Variants in MCM3AP observed in about 807,000 individuals in gnomAD.
MCM3AP encodes minichromosome maintenance complex component 3 associated protein.
Under a neutral mutation model 184.1 loss-of-function variants are expected in MCM3AP, and 126 were observed. The observed-to-expected ratio is 0.68, with a 90% CI of 0.59 to 0.79. MCM3AP has a LOEUF of 0.79. Among genes scored for constraint, MCM3AP ranks in the 30% least tolerant of loss-of-function variants. The probability of loss-of-function intolerance (pLI) is 0.00; values close to 1 mark genes in which losing one functional copy is unlikely to be tolerated. For synonymous variants in MCM3AP, 1,002 were observed against 979.3 expected (o/e 1.02, Z -0.43); for missense variants, 2,496 against 2,479.2 (o/e 1.01, Z -0.14).
Position 46,270,449 on chromosome 21 carries a change from C to T in MCM3AP, c.2580G>A (p.Gln860=), listed in dbSNP as rs199778611. ...GACAAGCGTTCAGGTAAGAAGCTGA[C>T]TGGACCAGTTTGAAAAATCTCACAA... The part of the protein sequence containing the change: ...NNFVRFFKLV[Q]SASYLNACLL... Residue 860 remains glutamine (Q), a synonymous_variant, in exon 9 of 28, where the codon CAG becomes CAA. Coordinates refer to ENST00000291688, the MANE Select transcript of MCM3AP (RefSeq NM_003906.5). The T allele has an allele frequency of 7.4e-6, 12 of 1,614,004 alleles. No homozygotes were observed. The highest frequency in any genetic ancestry group is 1.0e-5 in the Non-Finnish European group (12 of 1,179,954).
At position 46,275,308 on chromosome 21, in the gene MCM3AP, C is replaced by CG; in HGVS notation, c.1875dup (p.Asp626ArgfsTer18). 6.2e-7 allele frequency: 1 copy of CG among 1,613,212 alleles called. No individual in the cohort carries two copies. The highest frequency in any genetic ancestry group is 8.5e-7 in the Non-Finnish European group (1 of 1,179,708). ...ACAAAAGTCCTCGCTTTGTCCAGAT[C>CG]GGTTCTCTTCACCCGAGCTAAATGA... On this transcript the variant is annotated frameshift_variant, in exon 6 of 28. Coordinates refer to ENST00000291688, the MANE Select transcript of MCM3AP (RefSeq NM_003906.5). LOFTEE classifies it high-confidence loss of function.
rs758477714 is a variant in MCM3AP at position 46,284,543 on chromosome 21, G to A, written c.744C>T (p.Ser248=). Residue 248 remains serine (S), a synonymous_variant, in exon 1 of 28, where the codon AGC becomes AGT. Transcript: ENST00000291688. Reference sequence around the variant, plus strand: ...CAGATGATACAGGGAAGCTACTGAAGCTATTATTAGAACTTCCAAATATTG... The same window carrying A: ...CAGATGATACAGGGAAGCTACTGAAACTATTATTAGAACTTCCAAATATTG... ...PKSIFGSSNN[S]FSSFPVSSAV... The A allele has an allele frequency of 1.9e-6, 3 of 1,614,212 alleles. No homozygotes were observed. Among genetic ancestry groups the A allele is most frequent in the Non-Finnish European group, 1.7e-6 (2 of 1,180,036 alleles).
chr21:46,275,037 A>G lies in MCM3AP; in HGVS notation c.1998+149T>C, dbSNP rs1021191062. On this transcript the variant is annotated intron_variant, in intron 6 of 27. Transcript: ENST00000291688. ...TATAGGTACCAATTACAGAGTGAAC[A>G]TCTCACAATGCAAAACAGCTTAATA... The G allele has an allele frequency of 1.2e-5, 9 of 748,614 alleles. 1 individual carries two copies. The Middle Eastern group carries it at 1.2e-3, about 100-fold the overall frequency. The allele number at this position is 748,614 out of a possible 1,614,324, so 46.4% of individuals were successfully genotyped here.
chr21:46,237,171 G>C (rs8127105), intron 26 of MCM3AP, among the ~76,000 whole-genome samples, 192 bp from the exon 27 acceptor site: 2 of 144,962 alleles, frequency 1.4e-5, no homozygotes, highest in Non-Finnish European at 3.0e-5. Context: ...GCATAATCTC[G>C]GGTCAGTGCA....
At position 46,263,056 on chromosome 21, in the gene MCM3AP, G is replaced by A. The variant is rs539481010; in HGVS notation, c.3335+1061C>T. 5.3e-5 allele frequency among the ~76,000 whole-genome samples: 8 copies of A among 151,258 alleles called. No homozygotes were observed. In the South Asian group the frequency reaches 1.0e-3, roughly 20 times the overall value. On this transcript the variant is annotated intron_variant, in intron 13 of 27. Coordinates refer to ENST00000291688, the MANE Select transcript of MCM3AP (RefSeq NM_003906.5). Reference sequence around the variant, plus strand: ...ATAAAAATCCTCAACAAGGCCAGGTGCGGTGGCTCACACCTGTAATCCCAG... The same window carrying A: ...ATAAAAATCCTCAACAAGGCCAGGTACGGTGGCTCACACCTGTAATCCCAG...
At chr21:46,254,337 C>G in intron 19 of MCM3AP, 55 bp downstream of exon 19, 1 of 1,609,642 alleles carries the variant, frequency 6.2e-7, no homozygotes, top group Non-Finnish European at 8.5e-7. Context: ...GGCCCACAAC[C>G]CTGCCCTGCC....
At chr21:46,241,796 C>T (rs2080671094) in intron 25 of MCM3AP, 1 of 152,154 alleles carries the variant, frequency 6.6e-6, no homozygotes. Flanking sequence ...ACATACAGGC[C>T]CTGAGAACTC....
At position 46,265,397 on chromosome 21, in the gene MCM3AP, A is replaced by G. The variant is rs770899269; in HGVS notation, c.3158T>C (p.Val1053Ala). The G allele has an allele frequency of 2.0e-5, 32 of 1,614,082 alleles. 2 individuals are homozygous for G. The South Asian group carries it at 3.4e-4, about 17-fold the overall frequency. ...LPPVLALTPS[V>A]APSLFQLSVQ... is the part of the protein sequence containing the mutation. ...AGACAGCTGGAAGAGGCTGGGCGCC[A>G]CAGACGGGGTCAGTGCCAGGACAGG... Residue 1053 changes from valine to alanine, a missense_variant, in exon 12 of 28, where the codon GTG (valine) becomes GCG (alanine). Val to Ala is a moderately conservative substitution (Grantham distance 64, BLOSUM62 0). Transcript: ENST00000291688.
chr21:46,247,193 GTCC>G, intron 20 of MCM3AP: 1 of 289,162 alleles, frequency 3.5e-6, no homozygotes, highest in Non-Finnish European at 6.6e-6. Flanking sequence ...GGCTCGAGCA[GTCC>G]TCCTGGTTCA....
intron 12 of MCM3AP, among the ~76,000 whole-genome samples, chr21:46,264,713 C>T (rs1023598013): frequency 6.6e-6 from 1 of 152,170 alleles, no homozygotes; most frequent in African/African-American, 2.4e-5. Context: ...CAGGCCATGC[C>T]CATCAGGGTG....
intron 27 of MCM3AP, chr21:46,236,425 A>T (rs1201130959): frequency 6.5e-6 from 1 of 154,430 alleles, no homozygotes; most frequent in Non-Finnish European, 1.4e-5. Flanking sequence ...GAGGCTCTTG[A>T]CTTCTGGGAG....
chr21:46,235,294 CAG>C lies in MCM3AP; in HGVS notation c.5915_5916del (p.Ser1972CysfsTer36). 1.2e-6 allele frequency: 2 copies of C among 1,614,186 alleles called. No individual in the cohort carries two copies. Among genetic ancestry groups the C allele is most frequent in the Non-Finnish European group, 1.7e-6 (2 of 1,180,020 alleles). ...CAAATGTCCACCATGTCTAGCAGCG[CAG>C]AGAGATGGAGCTCAGAGGCAACTTC... ...EEEVASELHLSALLDMVDI is the reference protein window; with the variant it reads ...EEEVASELHLXALLDMVDI On this transcript the variant is annotated frameshift_variant, in exon 28 of 28. Coordinates refer to ENST00000291688, the MANE Select transcript of MCM3AP (RefSeq NM_003906.5). LOFTEE classifies it high-confidence loss of function.
At chr21:46,274,443 T>C (rs2839189) in intron 6 of MCM3AP, among the ~76,000 whole-genome samples, 43,060 of 152,180 alleles carry the variant, frequency 0.28, 7,063 homozygotes, top group Admixed American at 0.39. Context: ...TATCTACTAA[T>C]GGTAAAAATG....
rs17176338 is a variant in MCM3AP, at chr21:46,272,501, T to C, written c.2465+60A>G. ...CTACTGCCACTCCTGAAAGCTCTTC[T>C]CCTGTTTAAAGCCTGCCTTTTCAGC... On this transcript the variant is annotated intron_variant, in intron 8 of 27. Coordinates refer to ENST00000291688, the MANE Select transcript of MCM3AP (RefSeq NM_003906.5). 15,417 of 1,534,476 alleles carry C rather than the reference T, an allele frequency of 0.01. 1,070 individuals carry two copies. The African/African-American group carries it at 0.17, about 17-fold the overall frequency.
chr21:46,270,376 C>G (rs2081164249), intron 9 of MCM3AP, 25 bp downstream of exon 9: 2 of 1,595,542 alleles, frequency 1.3e-6, no homozygotes, highest in Non-Finnish European at 1.7e-6. Flanking sequence ...TCTTCCAACT[C>G]TGCAAGCACA....
intron 2 of MCM3AP, among the ~76,000 whole-genome samples, chr21:46,283,009 G>A (rs1398447370): frequency 1.3e-5 from 2 of 150,956 alleles, no homozygotes; most frequent in Non-Finnish European, 3.0e-5. Context: ...CACTGCAACC[G>A]CCGCCTCCCG....
chr21:46,277,490 A>C (rs748019040), intron 5 of MCM3AP, 37 bp downstream of exon 5: 7 of 1,482,874 alleles, frequency 4.7e-6, no homozygotes, highest in Non-Finnish European at 6.3e-6. Flanking sequence ...TGACGACCTC[A>C]CCAGGCCCCT....
In MCM3AP at chr21:46,275,206, C is replaced by T. The variant is rs199936007; in HGVS notation, c.1978G>A (p.Val660Met). 3.7e-6 allele frequency: 6 copies of T among 1,613,882 alleles called. No individual in the cohort carries two copies. The highest frequency in any genetic ancestry group is 2.2e-5 in the East Asian group (1 of 44,864). Residue 660 changes from valine to methionine, a missense_variant, in exon 6 of 28, where the codon GTG becomes ATG. By Grantham distance (21) the Val-to-Met change is conservative. Transcript: ENST00000291688. ...ETRSQLSVFE[V>M]VPGTDQVDHA... Reference sequence around the variant, plus strand: ...TCTACCTGGTCAGTCCCTGGGACCACTTCGAACACGCTCAGCTGGCTACGG... The same window carrying T: ...TCTACCTGGTCAGTCCCTGGGACCATTTCGAACACGCTCAGCTGGCTACGG...
chr21:46,273,599 G>C lies in MCM3AP; in HGVS notation c.1999-14C>G, dbSNP rs1489725689. 1.2e-6 allele frequency: 2 copies of C among 1,611,280 alleles called. No individual in the cohort carries two copies. The highest frequency in any genetic ancestry group is 1.7e-4 in the Middle Eastern group (1 of 6,008). ...TGCGTGGTCCACCTAGAGACATGAAGCCGAGACAGGATGCCCATGTGGCAT... is the reference window on the plus strand; with the variant it reads ...TGCGTGGTCCACCTAGAGACATGAACCCGAGACAGGATGCCCATGTGGCAT... On this transcript the variant is annotated splice_polypyrimidine_tract_variant and intron_variant, in intron 6 of 27. Coordinates refer to ENST00000291688, the MANE Select transcript of MCM3AP (RefSeq NM_003906.5).
Sources: allele counts gnomAD v4.1 joint callset (sites outside exome capture counted in the v4.1 genomes callset), GRCh38; gene constraint gnomAD v4.1.1; transcripts MANE v1.5; gene names NCBI Gene and HGNC (gene_info 2026-07-23, HGNC 2026-07-21).